Variants in LAMB4 observed in about 807,000 individuals in gnomAD.
LAMB4 encodes the protein laminin subunit beta-4.
A neutral mutation model predicts 199.2 loss-of-function variants in LAMB4; 196 were observed. The ratio of observed to expected loss-of-function variants is 0.98; its 90% CI spans 0.88 to 1.11. The LOEUF is 1.11. Among genes scored for constraint, LAMB4 ranks in the 50% least tolerant of loss-of-function variants. The probability of loss-of-function intolerance (pLI) is 0.00; values close to 1 mark genes in which losing one functional copy is unlikely to be tolerated. For missense variants in LAMB4, 2,080 were observed against 2,171.2 expected, an observed-to-expected ratio of 0.96 and a Z score of 0.83; for synonymous variants, 744 against 770.6, an observed-to-expected ratio of 0.97 and a Z score of 0.57.
chr7:108,040,421 T>C (rs2035381313), intron 29 of LAMB4, among the ~76,000 whole-genome samples: 1 of 152,292 alleles, frequency 6.6e-6, no homozygotes, highest in East Asian at 1.9e-4. Context: ...TTAAAGTTCA[T>C]ATGGAACAAA....
intron 33 of LAMB4, among the ~76,000 whole-genome samples, 155 bp from the exon 34 acceptor site, chr7:108,024,333 CT>C (rs1322564047): frequency 2.0e-5 from 3 of 152,158 alleles, no homozygotes; most frequent in African/African-American, 7.2e-5. Context: ...TTTCATCAGG[CT>C]TCTCAAGGTT....
the LAMB4 span, among the ~76,000 whole-genome samples, chr7:108,011,989 C>T: frequency 6.7e-6 from 1 of 150,204 alleles, no homozygotes; most frequent in Non-Finnish European, 1.5e-5. Flanking sequence ...TTATATAAAA[C>T]CATATGAATA....
Position 108,059,973 on chromosome 7 carries a change from G to A in LAMB4, c.3283-2045C>T, listed in dbSNP as rs186813564. On this transcript the variant is annotated intron_variant, in intron 23 of 33. Transcript: ENST00000388781. Reference sequence around the variant, plus strand: ...GCATGTTTCTCCAACTCCATCTAAAGTGTTGATGAAAATATTGGATGGCAC... The same window carrying A: ...GCATGTTTCTCCAACTCCATCTAAAATGTTGATGAAAATATTGGATGGCAC... Among the ~76,000 whole-genome samples the A allele has an allele frequency of 6.9e-3, 1,051 of 152,248 alleles. 5 individuals are homozygous for A. Among genetic ancestry groups the A allele is most frequent in the Non-Finnish European group, 9.7e-3 (661 of 68,030 alleles).
At chr7:108,055,190 T>A (rs1453632593) in intron 25 of LAMB4, among the ~76,000 whole-genome samples, 1 of 113,336 alleles carries the variant, frequency 8.8e-6, no homozygotes, top group African/African-American at 1.2e-4. Flanking sequence ...TCCAGCTGTT[T>A]TTTTTTTTTT....
the LAMB4 span, among the ~76,000 whole-genome samples, chr7:108,013,270 G>C: frequency 2.2e-4 from 33 of 152,294 alleles, no homozygotes; most frequent in African/African-American, 7.2e-4. Flanking sequence ...TAGGAATGAC[G>C]GAATAAATGC....
At chr7:108,035,030 G>T (rs1395927573) in intron 30 of LAMB4, among the ~76,000 whole-genome samples, 1 of 152,122 alleles carries the variant, frequency 6.6e-6, no homozygotes, top group Non-Finnish European at 1.5e-5. Context: ...AGTAGAGTTA[G>T]CTAAATTGCA....
At position 108,109,518 on chromosome 7, in the gene LAMB4, G is replaced by A. The variant is rs2038143729; in HGVS notation, c.329-274C>T. ...GGCAGCATTACATATGACCAAGGGA[G>A]TTTCAGGACATTTGCCCTAGGTGGA... is the stretch of plus-strand genomic sequence containing the variant. On this transcript the variant is annotated intron_variant, in intron 4 of 33. Transcript: ENST00000388781. Among the ~76,000 whole-genome samples the A allele has an allele frequency of 3.3e-5, 5 of 152,332 alleles. No individual in the cohort carries two copies. The South Asian group carries it at 1.0e-3, about 32-fold the overall frequency.
the LAMB4 span, among the ~76,000 whole-genome samples, chr7:108,018,321 A>G: frequency 6.6e-6 from 1 of 152,220 alleles, no homozygotes; most frequent in East Asian, 1.9e-4. Context: ...GGTTTAGCCA[A>G]TGGGAGCCAC....
intron 10 of LAMB4, 42 bp from the exon 11 acceptor site, chr7:108,098,624 G>A (rs548105276): frequency 6.6e-7 from 1 of 1,507,256 alleles, no homozygotes; most frequent in East Asian, 2.3e-5. Flanking sequence ...ATTGCAAATT[G>A]TGGGAAGCCT....
intron 2 of LAMB4, among the ~76,000 whole-genome samples, chr7:108,116,576 C>G (rs1321427210): frequency 6.6e-6 from 1 of 152,116 alleles, no homozygotes; most frequent in Non-Finnish European, 1.5e-5. Flanking sequence ...CTAAAACGAA[C>G]AAAACAAAAC....
chr7:108,079,963 T>G (rs2036867157), intron 14 of LAMB4, among the ~76,000 whole-genome samples, 177 bp from the exon 15 acceptor site: 1 of 152,220 alleles, frequency 6.6e-6, no homozygotes, highest in Non-Finnish European at 1.5e-5. Context: ...GAGAATAATG[T>G]GCTAATACTG....
chr7:108,095,820 A>G (rs975871785), intron 11 of LAMB4, among the ~76,000 whole-genome samples: 4 of 152,146 alleles, frequency 2.6e-5, no homozygotes, highest in African/African-American at 4.8e-5. Flanking sequence ...TGAGCCCTGC[A>G]TATGTTGCAA....
At chr7:108,103,522 A>T (rs184447057) in intron 9 of LAMB4, among the ~76,000 whole-genome samples, 1 of 152,382 alleles carries the variant, frequency 6.6e-6, no homozygotes, top group Admixed American at 6.5e-5. Flanking sequence ...ATCTAAAGCC[A>T]CAGAGTGCAA....
chr7:108,072,305 T>C (rs1226709540), intron 17 of LAMB4, among the ~76,000 whole-genome samples: 1 of 152,162 alleles, frequency 6.6e-6, no homozygotes, highest in African/African-American at 2.4e-5. Flanking sequence ...TCTTCCTACT[T>C]CATTGTGTCT....
At chr7:108,096,522 G>T (rs2037603734) in intron 11 of LAMB4, among the ~76,000 whole-genome samples, 1 of 152,030 alleles carries the variant, frequency 6.6e-6, no homozygotes. Flanking sequence ...CAGAAGAGGG[G>T]TTTCTTTTGT....
intron 28 of LAMB4, among the ~76,000 whole-genome samples, chr7:108,045,716 T>C (rs533513646): frequency 2.7e-4 from 41 of 152,364 alleles, no homozygotes; most frequent in African/African-American, 9.4e-4. Context: ...GACCAGGATT[T>C]ACATTGCTAT....
chr7:108,126,848 G>C (rs1354109661), intron 1 of LAMB4, among the ~76,000 whole-genome samples: 1 of 152,004 alleles, frequency 6.6e-6, no homozygotes, highest in East Asian at 1.9e-4. Flanking sequence ...GATTACAGGC[G>C]TGAGCCACCG....
At chr7:108,128,491 C>T (rs963656114) in intron 1 of LAMB4, among the ~76,000 whole-genome samples, 1 of 152,152 alleles carries the variant, frequency 6.6e-6, no homozygotes, top group Non-Finnish European at 1.5e-5. Context: ...GGCTTCAGTG[C>T]CCTTAGCTAT....
intron 9 of LAMB4, 90 bp downstream of exon 9, chr7:108,104,409 C>T: frequency 6.7e-7 from 1 of 1,489,520 alleles, no homozygotes; most frequent in African/African-American, 1.4e-5. Flanking sequence ...CACTTTGGTG[C>T]CTGCAGCCCC....
Sources: allele counts gnomAD v4.1 joint callset (sites outside exome capture counted in the v4.1 genomes callset), GRCh38; gene constraint gnomAD v4.1.1; transcripts MANE v1.5; gene names NCBI Gene and HGNC (gene_info 2026-07-23, HGNC 2026-07-21).